PTK2: variants seen among roughly 807,000 people sequenced by gnomAD.
PTK2 encodes focal adhesion kinase 1.
Under a neutral mutation model 150.1 loss-of-function variants are expected in PTK2, and 45 were observed. That is an observed-to-expected ratio of 0.30 (90% CI 0.24 to 0.38). PTK2 has a LOEUF of 0.38. Ranked by LOEUF, PTK2 falls within the 10% of genes least tolerant of loss-of-function variation. The probability of loss-of-function intolerance (pLI) is 1.00; values close to 1 mark genes in which losing one functional copy is unlikely to be tolerated. For synonymous variants in PTK2, 432 were observed against 449.2 expected, an observed-to-expected ratio of 0.96 and a Z score of 0.48; for missense variants, 919 against 1,307.3, an observed-to-expected ratio of 0.70 and a Z score of 4.58.
At chr8:140,763,811 G>C (rs963251414) in intron 15 of PTK2, among the ~76,000 whole-genome samples, 1 of 152,020 alleles carries the variant, frequency 6.6e-6, no homozygotes, top group Non-Finnish European at 1.5e-5. Context: ...GCAAATTTTT[G>C]AATATATGTG....
At chr8:140,787,642 A>T (rs978781793) in intron 14 of PTK2, among the ~76,000 whole-genome samples, 11 of 152,208 alleles carry the variant, frequency 7.2e-5, no homozygotes, top group Admixed American at 1.3e-4. Flanking sequence ...ATTTGAAGGC[A>T]CTGCTGGGGC....
chr8:140,895,330 C>A (rs2100155730), intron 2 of PTK2, among the ~76,000 whole-genome samples: 2 of 151,948 alleles, frequency 1.3e-5, no homozygotes, highest in Admixed American at 1.3e-4. Context: ...GAGTTCAAGA[C>A]CTGCCTGGGC....
At chr8:140,707,783 C>T (rs2100034648) in intron 23 of PTK2, among the ~76,000 whole-genome samples, 1 of 152,178 alleles carries the variant, frequency 6.6e-6, no homozygotes, top group Admixed American at 6.5e-5. Context: ...TCATTAATAA[C>T]AAAATGGGAT....
At chr8:140,940,731 C>A (rs1319037290) in intron 1 of PTK2, 1 of 151,832 alleles carries the variant, frequency 6.6e-6, no homozygotes, top group African/African-American at 2.4e-5. Context: ...AATCCCAGCA[C>A]TTTGGGAGGC....
intron 22 of PTK2, chr8:140,721,848 G>A (rs564958871): frequency 2.0e-5 from 3 of 152,252 alleles, no homozygotes; most frequent in East Asian, 1.9e-4. Flanking sequence ...CCTCCCTTTA[G>A]GCTAAGTTAC....
intron 2 of PTK2, chr8:140,920,698 T>A: frequency 9.5e-7 from 1 of 1,052,960 alleles, no homozygotes; most frequent in South Asian, 2.1e-5. Context: ...ATTTCCATTT[T>A]TCCTTAAATT....
chr8:140,700,896 A>G (rs2100029878), exon 26 of PTK2: 2 of 1,613,280 alleles, frequency 1.2e-6, no homozygotes, highest in African/African-American at 1.3e-5. Context: ...ATTACCAGAA[A>G]TCTTTCCTCT....
chr8:140,805,926 C>T (rs1415645095), intron 10 of PTK2, among the ~76,000 whole-genome samples: 1 of 152,172 alleles, frequency 6.6e-6, no homozygotes, highest in Non-Finnish European at 1.5e-5. Flanking sequence ...AAACTGTCTA[C>T]ATGATTTGAC....
chr8:140,710,675 A>G (rs1266958823), intron 23 of PTK2, among the ~76,000 whole-genome samples: 1 of 152,188 alleles, frequency 6.6e-6, no homozygotes, highest in African/African-American at 2.4e-5. Context: ...TGTCTCAAAA[A>G]ACAGAACAAG....
intron 1 of PTK2, among the ~76,000 whole-genome samples, chr8:140,995,040 G>A (rs186006196): frequency 4.8e-5 from 7 of 145,652 alleles, no homozygotes; most frequent in Admixed American, 2.1e-4. Flanking sequence ...CTGAGATCTC[G>A]CCATTGCACT....
intron 1 of PTK2, among the ~76,000 whole-genome samples, chr8:140,927,906 C>T: frequency 7.3e-6 from 1 of 137,678 alleles, no homozygotes. Context: ...GATTGTCCAG[C>T]CTGGGCAACA....
Position 140,671,666 on chromosome 8 carries a change from C to T in PTK2, c.2709+2632G>A, listed in dbSNP as rs2095450296. Among the ~76,000 whole-genome samples the T allele has an allele frequency of 2.7e-5, 4 of 150,784 alleles. No individual in the cohort carries two copies. In the East Asian group the frequency reaches 7.8e-4, roughly 30 times the overall value. Reference sequence around the variant, plus strand: ...CGGTGGCTCATGCCTGTAATCCCAGCACTTTGGGAGGCCGAGGCGGGCGGA... The same window carrying T: ...CGGTGGCTCATGCCTGTAATCCCAGTACTTTGGGAGGCCGAGGCGGGCGGA... On this transcript the variant is annotated intron_variant, in intron 29 of 31. Transcript: ENST00000522684.
rs1390979493 is a variant in PTK2, at chr8:140,923,024, G to A, written c.-33+2637C>T. On this transcript the variant is annotated intron_variant, in intron 2 of 31. Transcript: ENST00000522684. ...CAAGAAAAGTGATGGAGAGAATGAG[G>A]GAGAGGGATGAACCTGGTTTCTGTG... 6.6e-5 allele frequency among the ~76,000 whole-genome samples: 10 copies of A among 152,254 alleles called. No individual in the cohort carries two copies. The South Asian group carries it at 2.1e-3, about 32-fold the overall frequency.
intron 2 of PTK2, among the ~76,000 whole-genome samples, chr8:140,904,352 T>C (rs1036425101): frequency 6.6e-6 from 1 of 152,298 alleles, no homozygotes; most frequent in East Asian, 1.9e-4. Flanking sequence ...GAAGCCGACT[T>C]GATAGTGGTG....
At chr8:140,794,207 T>C (rs1251112894) in intron 12 of PTK2, among the ~76,000 whole-genome samples, 1 of 152,268 alleles carries the variant, frequency 6.6e-6, no homozygotes, top group East Asian at 1.9e-4. Flanking sequence ...CAAGTTATTA[T>C]GCTTAACATT....
intron 16 of PTK2, among the ~76,000 whole-genome samples, chr8:140,759,941 G>A (rs987486824): frequency 1.3e-5 from 2 of 151,378 alleles, no homozygotes; most frequent in Non-Finnish European, 2.9e-5. Context: ...CATAAATCCA[G>A]GGCCGGGCAC....
intron 16 of PTK2, among the ~76,000 whole-genome samples, chr8:140,755,826 C>T (rs750153676): frequency 6.6e-6 from 1 of 152,012 alleles, no homozygotes; most frequent in South Asian, 2.1e-4. Context: ...TTGGTCCTTG[C>T]CCATGAAATT....
chr8:140,827,427 G>GA (rs1257780756), intron 8 of PTK2, among the ~76,000 whole-genome samples: 2 of 151,908 alleles, frequency 1.3e-5, no homozygotes, highest in Admixed American at 6.6e-5. Flanking sequence ...AAGATGGCAG[G>GA]AAAAAAAGCA....
rs1017163379 is a variant in PTK2 at position 140,738,936 on chromosome 8, T to C, written c.1825+82A>G. ...GTTAGGGAAGGCAAATCAACCTACATATTCCAAAAAGAGATAATTTTTTTT... is the reference window on the plus strand; with the variant it reads ...GTTAGGGAAGGCAAATCAACCTACACATTCCAAAAAGAGATAATTTTTTTT... On this transcript the variant is annotated intron_variant, in intron 21 of 31. Transcript: ENST00000522684. The C allele has an allele frequency of 1.7e-5, 16 of 960,480 alleles. No individual in the cohort carries two copies. The African/African-American group carries it at 2.8e-4, about 17-fold the overall frequency. 59.5% of individuals were successfully genotyped at this position (960,480 alleles called of 1,614,324 possible).
Sources: allele counts gnomAD v4.1 joint callset (sites outside exome capture counted in the v4.1 genomes callset), GRCh38; gene constraint gnomAD v4.1.1; transcripts MANE v1.5; gene names NCBI Gene and HGNC (gene_info 2026-07-23, HGNC 2026-07-21).